The following TF variants were observed in gnomAD, a reference collection of about 807,000 sequenced individuals.
TF encodes the protein transferrin, also known as serotransferrin.
A neutral mutation model predicts 82.4 loss-of-function variants in TF; 55 were observed. The observed-to-expected ratio is 0.67, with a 90% CI of 0.54 to 0.84. The LOEUF is 0.84. Among genes scored for constraint, TF ranks in the 40% least tolerant of loss-of-function variants. TF has a pLI of 0.00. For synonymous variants in TF, 332 were observed against 332.6 expected, an observed-to-expected ratio of 1.00 and a Z score of 0.02; for missense variants, 737 against 868.4, an observed-to-expected ratio of 0.85 and a Z score of 1.90.
At chr3:133,763,851 C>T (rs563814963) in intron 9 of TF, among the ~76,000 whole-genome samples, 7 of 152,224 alleles carry the variant, frequency 4.6e-5, no homozygotes, top group Non-Finnish European at 8.8e-5. Flanking sequence ...TCCATCTGCA[C>T]GTGAGAATTC....
At chr3:133,662,244 C>T in the TF span, 1 of 152,206 alleles carries the variant, frequency 6.6e-6, no homozygotes, top group Non-Finnish European at 1.5e-5. Flanking sequence ...TTACACCTGT[C>T]TTATACCAGG....
rs912030728 is a variant in TF at position 133,790,465 on chromosome 3, G to T, written c.*11845G>T. 2.6e-5 allele frequency: 4 copies of T among 152,188 alleles called. No individual in the cohort carries two copies. The highest frequency in any genetic ancestry group is 6.5e-5 in the Admixed American group (1 of 15,278). The allele number at this position is 152,188 out of a possible 1,614,324, so 9.4% of individuals were successfully genotyped here. A position where few individuals can be genotyped will look rare whatever the true frequency, so the allele number is the denominator to read the frequency against. ...TTAGTTCAAATTACAGATTTGAAAA[G>T]GTTACTTATGAAACAATGTAGTAAG... is the stretch of plus-strand genomic sequence containing the variant. On this transcript the variant is annotated 3_prime_UTR_variant, in exon 17 of 17. Coordinates refer to ENST00000402696, the MANE Select transcript of TF (RefSeq NM_001063.4).
the TF span, among the ~76,000 whole-genome samples, chr3:133,707,096 G>A: frequency 4.0e-5 from 6 of 151,890 alleles, no homozygotes; most frequent in Middle Eastern, 3.2e-3. Flanking sequence ...AGATCAGCAA[G>A]CATACTTAGA....
chr3:133,742,454 GAGAGAGAGAGAA>G (rs71662507), upstream of TF, among the ~76,000 whole-genome samples: 12,540 of 152,088 alleles, frequency 0.082, 644 homozygotes, highest in Non-Finnish European at 0.11. Context: ...GAGAAGGAGA[GAGAGAGAGAGAA>G]AGAGAGAGAG....
In TF at chr3:133,789,879, G is replaced by GTTTTTTTT. The variant is rs56267966; in HGVS notation, c.*11281_*11288dup. The GTTTTTTTT allele has an allele frequency of 1.5e-4, 13 of 88,982 alleles. 4 individuals are homozygous for GTTTTTTTT. Among genetic ancestry groups the GTTTTTTTT allele is most frequent in the African/African-American group, 3.3e-4 (6 of 18,246 alleles). The allele number at this position is 88,982 out of a possible 1,614,324, so 5.5% of individuals were successfully genotyped here. ...GCCAAAACAAAACGATCTCGTTTGC[G>GTTTTTTTT]TTTTTTTTTTTTTTTTTTTTTTTTT... On this transcript the variant is annotated 3_prime_UTR_variant, in exon 17 of 17. Coordinates refer to ENST00000402696, the MANE Select transcript of TF (RefSeq NM_001063.4).
At position 133,755,484 on chromosome 3, in the gene TF, G is replaced by C. The variant is rs12769; in HGVS notation, c.624G>C (p.Ser208=). 1 of 1,613,916 alleles carries C rather than the reference G, an allele frequency of 6.2e-7. No homozygotes were observed. The highest frequency in any genetic ancestry group is 8.5e-7 in the Non-Finnish European group (1 of 1,179,940). Residue 208 remains serine, a synonymous_variant, in exon 5 of 17, where the codon TCG becomes TCC. Transcript: ENST00000402696. ...CCCTTAACCAATACTTCGGCTACTC[G>C]GGAGCCTTCAAGTGAGTGAGATGTC... ...CSTLNQYFGY[S]GAFKCLKDGA... is the part of the protein sequence containing the mutation.
the TF span, among the ~76,000 whole-genome samples, chr3:133,718,842 A>G: frequency 1.3e-5 from 2 of 152,208 alleles, no homozygotes; most frequent in African/African-American, 2.4e-5. Flanking sequence ...TTGCCCTGAA[A>G]TAGAGACACA....
At position 133,768,096 on chromosome 3, in the gene TF, G is replaced by T; in HGVS notation, c.1554G>T (p.Met518Ile). The change falls in exon 13 of 17, where the codon ATG becomes ATT. Residue 518 changes from methionine to isoleucine, a missense_variant. Physicochemically the swap from Met to Ile is conservative, Grantham distance 10. Coordinates refer to ENST00000402696, the MANE Select transcript of TF (RefSeq NM_001063.4). ...KKDSSLCKLC[M>I]GSGLNLCEPN... Reference sequence around the variant, plus strand: ...ACTCCAGTCTCTGTAAGCTGTGTATGGGCTCAGGCCTAAACCTGTGTGAAC... The same window carrying T: ...ACTCCAGTCTCTGTAAGCTGTGTATTGGCTCAGGCCTAAACCTGTGTGAAC... The T allele has an allele frequency of 6.2e-7, 1 of 1,614,160 alleles. No individual in the cohort carries two copies. Among genetic ancestry groups the T allele is most frequent in the Non-Finnish European group, 8.5e-7 (1 of 1,180,034 alleles).
At chr3:133,708,371 A>G in the TF span, among the ~76,000 whole-genome samples, 2 of 152,170 alleles carry the variant, frequency 1.3e-5, no homozygotes, top group Non-Finnish European at 2.9e-5. Flanking sequence ...GATTCTATTG[A>G]AAAAGTACAG....
the TF span, chr3:133,704,461 C>G: frequency 6.5e-6 from 1 of 153,894 alleles, no homozygotes; most frequent in African/African-American, 2.4e-5. Context: ...AAAAAAGTCT[C>G]CCTCTCCTGG....
At position 133,764,243 on chromosome 3, in the gene TF, G is replaced by T; in HGVS notation, c.1265G>T (p.Gly422Val). The T allele has an allele frequency of 6.2e-7, 1 of 1,614,024 alleles. No individual in the cohort carries two copies. Among genetic ancestry groups the T allele is most frequent in the African/African-American group, 1.3e-5 (1 of 75,034 alleles). The part of the protein sequence containing the change: ...GGFVYIAGKC[G>V]LVPVLAENYN... ...TTTGTCTACATAGCGGGCAAGTGTG[G>T]TCTGGTGCCTGTCTTGGCAGAAAAC... Residue 422 changes from glycine (G) to valine (V), a missense_variant, in exon 10 of 17, where the codon GGT becomes GTT. Transcript: ENST00000402696.
rs540162119 is a variant in TF, at chr3:133,794,275, C to T, written c.*15655C>T. ...CAAATTGAATATATTGATGTGGTGA[C>T]TTATAAATTGCTAAAATAGTTTATA... On this transcript the variant is annotated 3_prime_UTR_variant, in exon 17 of 17. Transcript: ENST00000402696. 1.3e-5 allele frequency: 2 copies of T among 152,236 alleles called. No individual in the cohort carries two copies. The highest frequency in any genetic ancestry group is 4.2e-4 in the South Asian group (2 of 4,818). The allele number at this position is 152,236 out of a possible 1,614,324, so 9.4% of individuals were successfully genotyped here. A position where few individuals can be genotyped will look rare whatever the true frequency, so the allele number is the denominator to read the frequency against.
the TF span, among the ~76,000 whole-genome samples, chr3:133,667,967 G>A: frequency 4.4e-4 from 67 of 152,314 alleles, no homozygotes; most frequent in Middle Eastern, 0.014. Flanking sequence ...CCTACAACTC[G>A]CATTGCAATC....
rs748587164 is a variant in TF, at chr3:133,757,906, T to A, written c.1008T>A (p.Tyr336Ter). Residue 336 changes from tyrosine (Y) to a stop codon, truncating the protein, a stop_gained, in exon 8 of 17, where the codon TAT becomes TAA. Transcript: ENST00000402696. LOFTEE classifies it high-confidence loss of function. The stretch of plus-strand genomic sequence containing the variant: ...TGGATGCCAAGATGTACCTGGGCTA[T>A]GAGTATGTCACTGCCATCCGGAATC... ...PRMDAKMYLG[Y>*]EYVTAIRNLR... 6.8e-6 allele frequency: 11 copies of A among 1,614,078 alleles called. No individual in the cohort carries two copies. The highest frequency in any genetic ancestry group is 1.3e-5 in the African/African-American group (1 of 74,924).
the TF span, among the ~76,000 whole-genome samples, chr3:133,706,587 T>C: frequency 1.3e-5 from 2 of 152,014 alleles, no homozygotes; most frequent in Non-Finnish European, 2.9e-5. Context: ...GCAATCTATG[T>C]TTTAACAAAT....
Position 133,786,871 on chromosome 3 carries a change from C to T in TF, c.*8251C>T, listed in dbSNP as rs1934700498. 6.6e-6 allele frequency: 1 copy of T among 152,144 alleles called. No individual in the cohort carries two copies. The highest frequency in any genetic ancestry group is 1.9e-4 in the East Asian group (1 of 5,198). The allele number at this position is 152,144 out of a possible 1,614,324, so 9.4% of individuals were successfully genotyped here. On this transcript the variant is annotated 3_prime_UTR_variant, in exon 17 of 17. Coordinates refer to ENST00000402696, the MANE Select transcript of TF (RefSeq NM_001063.4). ...TATCTATGTAGATGTTCAGAATTGC[C>T]TGATGTATGTTAAGTGTAGAGGTAG...
chr3:133,793,481 G>A lies in TF; in HGVS notation c.*14861G>A, dbSNP rs1934896063. The A allele has an allele frequency of 6.6e-6, 1 of 150,842 alleles. No individual in the cohort carries two copies. The highest frequency in any genetic ancestry group is 1.5e-5 in the Non-Finnish European group (1 of 67,936). The allele number at this position is 150,842 out of a possible 1,614,324, so 9.3% of individuals were successfully genotyped here. Reference sequence around the variant, plus strand: ...AATTATTTGACATGTTTAATTACATGGGAAGCATTGTCAAAAAGAAAAAAA... The same window carrying A: ...AATTATTTGACATGTTTAATTACATAGGAAGCATTGTCAAAAAGAAAAAAA... On this transcript the variant is annotated 3_prime_UTR_variant, in exon 17 of 17. Transcript: ENST00000402696.
At chr3:133,664,591 A>G in the TF span, among the ~76,000 whole-genome samples, 1 of 152,150 alleles carries the variant, frequency 6.6e-6, no homozygotes, top group African/African-American at 2.4e-5. Flanking sequence ...AAGTGCTGGG[A>G]TTACAGGCAT....
At chr3:133,753,878 GC>G in intron 3 of TF, 175 bp downstream of exon 3, 1 of 685,766 alleles carries the variant, frequency 1.5e-6, no homozygotes, top group Non-Finnish European at 2.6e-6. Flanking sequence ...GCCTCTGGGG[GC>G]TTTGGGCTGG....
Sources: gnomAD v4.1 joint callset for allele counts (sites outside exome capture counted in the v4.1 genomes callset) on GRCh38, gnomAD v4.1.1 for gene constraint, MANE v1.5 for transcripts, NCBI Gene and HGNC (gene_info 2026-07-23, HGNC 2026-07-21) for gene names.